The following ASIC2 variants were observed in gnomAD, a reference collection of about 807,000 sequenced individuals.
The protein encoded by ASIC2 is acid-sensing ion channel 2.
In ASIC2, 25 loss-of-function variants were observed where a neutral mutation model predicts 57.3. The ratio of observed to expected loss-of-function variants is 0.44; its 90% CI spans 0.32 to 0.61. The LOEUF (loss-of-function observed/expected upper bound fraction) is 0.61, where lower values mean the gene tolerates loss of function less well. Ranked by LOEUF, ASIC2 falls within the 20% of genes least tolerant of loss-of-function variation. The probability of loss-of-function intolerance (pLI) is 0.06; values close to 1 mark genes in which losing one functional copy is unlikely to be tolerated. For missense variants in ASIC2, 641 were observed against 738.1 expected (o/e 0.87, Z 1.52); for synonymous variants, 319 against 307.5 (o/e 1.04, Z -0.39).
intron 1 of ASIC2, among the ~76,000 whole-genome samples, chr17:33,162,468 G>A (rs764127906): frequency 1.6e-4 from 25 of 152,172 alleles, no homozygotes; most frequent in Non-Finnish European, 3.4e-4. Context: ...ATGTTGTCTG[G>A]AAGTCAGCTG....
At position 33,063,136 on chromosome 17, in the gene ASIC2, T is replaced by G. The variant is rs1472774134; in HGVS notation, c.987+25727A>C. Among the ~76,000 whole-genome samples the G allele has an allele frequency of 2.6e-5, 4 of 152,388 alleles. No individual in the cohort carries two copies. In the East Asian group the frequency reaches 7.7e-4, roughly 29 times the overall value. ...ATCCAATTTGCCAGTCTGTGTCTTT[T>G]AATTGGAGCATTTAGCACATTTACA... On this transcript the variant is annotated intron_variant, in intron 3 of 9. Transcript: ENST00000225823.
At chr17:33,936,413 A>G (rs924506359) in intron 1 of ASIC2, 3 of 152,164 alleles carry the variant, frequency 2.0e-5, no homozygotes, top group Middle Eastern at 6.3e-3. Context: ...GTCTGTGGAC[A>G]TGGCTCCTGT....
chr17:33,348,458 G>A lies in ASIC2; in HGVS notation c.556-236391C>T, dbSNP rs142244595. Among the ~76,000 whole-genome samples, 582 of 152,298 alleles carry A rather than the reference G, an allele frequency of 3.8e-3. 5 individuals carry two copies. The highest frequency in any genetic ancestry group is 0.013 in the African/African-American group (548 of 41,548). On this transcript the variant is annotated intron_variant, in intron 1 of 9. Coordinates refer to the ASIC2 transcript ENST00000359872. ...AGAGAAAAAACATCTCCACTCACGAGTTGCAGGTGATGCTGTTGTCTGGAA... is the reference window on the plus strand; with the variant it reads ...AGAGAAAAAACATCTCCACTCACGAATTGCAGGTGATGCTGTTGTCTGGAA...
At chr17:33,069,741 C>T (rs1419336262) in intron 3 of ASIC2, among the ~76,000 whole-genome samples, 1 of 152,098 alleles carries the variant, frequency 6.6e-6, no homozygotes, top group Admixed American at 6.5e-5. Flanking sequence ...ATTTAAAATA[C>T]ATTTTTTCTG....
chr17:33,476,647 G>C (rs763069395), intron 1 of ASIC2, among the ~76,000 whole-genome samples: 1 of 151,542 alleles, frequency 6.6e-6, no homozygotes, highest in East Asian at 1.9e-4. Flanking sequence ...CTTCCAAGAG[G>C]GGGTGCAGCT....
chr17:33,741,936 G>A (rs1426291624), intron 1 of ASIC2, among the ~76,000 whole-genome samples: 1 of 152,184 alleles, frequency 6.6e-6, no homozygotes, highest in East Asian at 1.9e-4. Flanking sequence ...CCTAGCAGTG[G>A]GGAGCTCATG....
At chr17:33,760,483 G>T (rs971470695) in intron 1 of ASIC2, among the ~76,000 whole-genome samples, 4 of 151,608 alleles carry the variant, frequency 2.6e-5, no homozygotes, top group Admixed American at 2.6e-4. Flanking sequence ...TATATATAAA[G>T]CTCTCTCTAT....
In ASIC2 at chr17:33,636,962, C is replaced by A. The variant is rs142771327; in HGVS notation, c.555+519016G>T. Among the ~76,000 whole-genome samples the A allele has an allele frequency of 6.6e-3, 1,000 of 152,218 alleles. 17 individuals carry two copies. Among genetic ancestry groups the A allele is most frequent in the African/African-American group, 0.022 (916 of 41,508 alleles). ...AAGGGGAGGTGTACTCTAGACCCTC[C>A]AGCAGGCTGACCAAAGAAACTTCTG... On this transcript the variant is annotated intron_variant, in intron 1 of 9. Transcript: ENST00000359872.
chr17:33,444,304 T>C (rs1911933997), intron 1 of ASIC2, among the ~76,000 whole-genome samples: 2 of 152,182 alleles, frequency 1.3e-5, no homozygotes. Flanking sequence ...TCATTGTGCA[T>C]TTGAAAGTCA....
intron 1 of ASIC2, among the ~76,000 whole-genome samples, chr17:33,136,133 G>A (rs2092366118): frequency 6.6e-6 from 1 of 152,240 alleles, no homozygotes. Context: ...GTGCACGTGT[G>A]TTTGCATACA....
At chr17:33,691,378 C>T (rs746143161) in intron 1 of ASIC2, among the ~76,000 whole-genome samples, 9 of 152,074 alleles carry the variant, frequency 5.9e-5, no homozygotes, top group Non-Finnish European at 1.3e-4. Flanking sequence ...CCCCACACTC[C>T]AATCATCCTA....
chr17:33,919,554 T>C (rs1292393996), intron 1 of ASIC2, among the ~76,000 whole-genome samples: 1 of 152,134 alleles, frequency 6.6e-6, no homozygotes, highest in African/African-American at 2.4e-5. Flanking sequence ...GACCTCAAGC[T>C]ATATAAAAAA....
intron 1 of ASIC2, among the ~76,000 whole-genome samples, chr17:33,831,241 T>C (rs2141900689): frequency 6.6e-6 from 1 of 151,340 alleles, no homozygotes; most frequent in African/African-American, 2.4e-5. Context: ...TCCTCCCTAG[T>C]CGAGATTTTT....
chr17:33,330,758 T>A (rs1348197489), intron 1 of ASIC2, among the ~76,000 whole-genome samples: 1 of 152,190 alleles, frequency 6.6e-6, no homozygotes, highest in African/African-American at 2.4e-5. Flanking sequence ...GATGGGTTTA[T>A]TCTATTTCAT....
rs143758522 is a variant in ASIC2, at chr17:33,484,951, T to C, written c.556-372884A>G. On this transcript the variant is annotated intron_variant, in intron 1 of 9. Transcript: ENST00000359872. ...TGAGCTGCCACTGTCAGCACACCTA[T>C]GGGGTAGCCCTGCTCTGCAGGAGCA... is the stretch of plus-strand genomic sequence containing the variant. Among the ~76,000 whole-genome samples the C allele has an allele frequency of 5.6e-3, 853 of 152,354 alleles. 3 individuals carry two copies. Among genetic ancestry groups the C allele is most frequent in the Non-Finnish European group, 9.2e-3 (627 of 68,026 alleles).
chr17:33,457,246 CTTT>C (rs5820041), intron 1 of ASIC2, among the ~76,000 whole-genome samples: 3 of 143,298 alleles, frequency 2.1e-5, no homozygotes, highest in Admixed American at 6.9e-5. Context: ...TTTTGTTTTT[CTTT>C]TTTTTTTTTT....
chr17:33,812,762 AC>A (rs1311486832), intron 1 of ASIC2, among the ~76,000 whole-genome samples: 1 of 152,208 alleles, frequency 6.6e-6, no homozygotes, highest in Non-Finnish European at 1.5e-5. Flanking sequence ...AATCAGATCT[AC>A]CCACATTAGA....
chr17:33,345,071 A>C (rs560488387), intron 1 of ASIC2, among the ~76,000 whole-genome samples: 21 of 152,310 alleles, frequency 1.4e-4, no homozygotes, highest in Non-Finnish European at 2.8e-4. Context: ...AAATGTTTCC[A>C]GATAGAGGTC....
At chr17:33,815,332 G>C (rs1597887315) in intron 1 of ASIC2, among the ~76,000 whole-genome samples, 1 of 152,148 alleles carries the variant, frequency 6.6e-6, no homozygotes. Context: ...GGTTTAACTT[G>C]GGGCATGGCC....
Sources: gnomAD v4.1 joint callset for allele counts (sites outside exome capture counted in the v4.1 genomes callset) on GRCh38, gnomAD v4.1.1 for gene constraint, MANE v1.5 for transcripts, NCBI Gene and HGNC (gene_info 2026-07-23, HGNC 2026-07-21) for gene names.